Variants in PTK2B observed in about 807,000 individuals in gnomAD.
PTK2B encodes the protein protein tyrosine kinase 2 beta.
A neutral mutation model predicts 142.9 loss-of-function variants in PTK2B; 71 were observed. The ratio of observed to expected loss-of-function variants is 0.50; its 90% CI spans 0.41 to 0.61. PTK2B has a LOEUF of 0.61. Ranked by LOEUF, PTK2B falls within the 20% of genes least tolerant of loss-of-function variation. The probability of loss-of-function intolerance (pLI) is 0.00; values close to 1 mark genes in which losing one functional copy is unlikely to be tolerated. For missense variants in PTK2B, 1,105 were observed against 1,320.4 expected (o/e 0.84, Z 2.53); for synonymous variants, 519 against 503.4 (o/e 1.03, Z -0.42).
At chr8:27,383,851 A>T (rs1465771731) in intron 1 of PTK2B, among the ~76,000 whole-genome samples, 2 of 80,590 alleles carry the variant, frequency 2.5e-5, no homozygotes, top group African/African-American at 3.8e-5. Context: ...ACACCTGGCT[A>T]ATTTTTTTTT....
At position 27,440,228 on chromosome 8, in the gene PTK2B, A is replaced by G. The variant is rs116416838; in HGVS notation, c.1835-9A>G. The G allele has an allele frequency of 2.3e-3, 3,656 of 1,613,902 alleles. 73 individuals are homozygous for G. The African/African-American group carries it at 0.044, about 19-fold the overall frequency. ...CCCACCCAGGGCCTGACGCTCCCTT[A>G]CACCCCAGCCGTGTGCATGTGGGAG... On this transcript the variant is annotated splice_polypyrimidine_tract_variant and intron_variant, in intron 20 of 30. Coordinates refer to ENST00000346049, the MANE Select transcript of PTK2B (RefSeq NM_173176.3).
At chr8:27,346,426 G>A (rs1229332242) in intron 1 of PTK2B, among the ~76,000 whole-genome samples, 2 of 152,168 alleles carry the variant, frequency 1.3e-5, no homozygotes, top group African/African-American at 2.4e-5. Flanking sequence ...CACGCCTGTA[G>A]TCCCAGCTAC....
At chr8:27,359,671 A>T (rs755050221) in intron 1 of PTK2B, among the ~76,000 whole-genome samples, 3 of 152,072 alleles carry the variant, frequency 2.0e-5, no homozygotes, top group Admixed American at 6.5e-5. Context: ...AATTACTTGG[A>T]TTAGAATTCC....
At chr8:27,454,808 C>G (rs1161579599) in intron 30 of PTK2B, among the ~76,000 whole-genome samples, 197 bp downstream of exon 30, 4 of 152,182 alleles carry the variant, frequency 2.6e-5, no homozygotes, top group African/African-American at 9.7e-5. Flanking sequence ...CAGAGGCTAG[C>G]AGGGATTTCC....
At chr8:27,385,761 C>T (rs1464292352) in intron 1 of PTK2B, among the ~76,000 whole-genome samples, 3 of 151,796 alleles carry the variant, frequency 2.0e-5, no homozygotes, top group African/African-American at 4.8e-5. Flanking sequence ...GGTATGGGGG[C>T]GGGCACCTAT....
intron 21 of PTK2B, among the ~76,000 whole-genome samples, chr8:27,442,412 AC>A (rs1811206390): frequency 6.6e-6 from 1 of 152,144 alleles, no homozygotes; most frequent in South Asian, 2.1e-4. Context: ...CTGGGAGTGA[AC>A]CCACATGCCT....
intron 1 of PTK2B, among the ~76,000 whole-genome samples, chr8:27,350,964 A>C (rs1347739889): frequency 1.8e-5 from 2 of 111,676 alleles, no homozygotes; most frequent in Non-Finnish European, 3.5e-5. Context: ...GGACAGAGAA[A>C]GTCTCCGTCT....
chr8:27,450,557 T>C (rs1304615267), intron 24 of PTK2B, among the ~76,000 whole-genome samples, 192 bp from the exon 25 acceptor site: 2 of 152,176 alleles, frequency 1.3e-5, no homozygotes, highest in East Asian at 1.9e-4. Context: ...GCAACGCAGA[T>C]ACATGCTCGG....
At chr8:27,434,625 G>T in intron 13 of PTK2B, 66 bp downstream of exon 13, 1 of 1,519,124 alleles carries the variant, frequency 6.6e-7, no homozygotes, top group East Asian at 2.4e-5. Flanking sequence ...CCCACTGCTT[G>T]CTCTCGTGAC....
At chr8:27,389,407 A>G (rs1270589365) in intron 1 of PTK2B, among the ~76,000 whole-genome samples, 1 of 152,334 alleles carries the variant, frequency 6.6e-6, no homozygotes, top group East Asian at 1.9e-4. Flanking sequence ...TGAAGAACTA[A>G]GAGAAGAATG....
At chr8:27,358,204 A>C in intron 1 of PTK2B, among the ~76,000 whole-genome samples, 1 of 152,206 alleles carries the variant, frequency 6.6e-6, no homozygotes, top group Non-Finnish European at 1.5e-5. Flanking sequence ...CTGTGGATAT[A>C]GCTCTGCACT....
At chr8:27,404,498 T>TC (rs1808584106) in intron 2 of PTK2B, among the ~76,000 whole-genome samples, 1 of 152,110 alleles carries the variant, frequency 6.6e-6, no homozygotes, top group Non-Finnish European at 1.5e-5. Context: ...TCCTGTGCCC[T>TC]CCCCACCCAG....
chr8:27,387,956 C>T (rs1444981865), intron 1 of PTK2B, among the ~76,000 whole-genome samples: 1 of 152,108 alleles, frequency 6.6e-6, no homozygotes, highest in African/African-American at 2.4e-5. Flanking sequence ...AAGCCATAAT[C>T]TCTCCCAATC....
At chr8:27,454,893 C>T (rs747221726) in intron 30 of PTK2B, among the ~76,000 whole-genome samples, 2 of 152,184 alleles carry the variant, frequency 1.3e-5, no homozygotes, top group East Asian at 1.9e-4. Context: ...TCCTTTCCCC[C>T]CTCCTATTAT....
At chr8:27,360,412 C>T (rs1260586510) in intron 1 of PTK2B, among the ~76,000 whole-genome samples, 1 of 152,212 alleles carries the variant, frequency 6.6e-6, no homozygotes, top group Non-Finnish European at 1.5e-5. Flanking sequence ...TCAGAGGAGG[C>T]CTGGCCTGGG....
chr8:27,430,863 T>C lies in PTK2B; in HGVS notation c.670-13T>C. ...GAGCAGGCATTGCTCACACGGCCCA[T>C]CCCCTCCCCCAGCCCAAACAGTTCC... On this transcript the variant is annotated splice_polypyrimidine_tract_variant and intron_variant, in intron 7 of 30. Transcript: ENST00000346049. The C allele has an allele frequency of 6.2e-7, 1 of 1,612,280 alleles. No homozygotes were observed. The highest frequency in any genetic ancestry group is 8.5e-7 in the Non-Finnish European group (1 of 1,178,998).
chr8:27,434,710 C>T lies in PTK2B; in HGVS notation c.1192+151C>T, dbSNP rs563213978. ...CTTCTCAGTGATGGCTTTAAAATAT[C>T]GTGAATTATGGCTGGGTGCAGTGGC... On this transcript the variant is annotated intron_variant, in intron 13 of 30. Coordinates refer to ENST00000346049, the MANE Select transcript of PTK2B (RefSeq NM_173176.3). The T allele has an allele frequency of 3.6e-5, 35 of 964,548 alleles. 1 individual carries two copies. The African/African-American group carries it at 3.8e-4, about 10-fold the overall frequency. 59.7% of individuals were successfully genotyped at this position (964,548 alleles called of 1,614,324 possible).
rs1812328316 is a variant in PTK2B at position 27,458,958 on chromosome 8, G to T, written c.*449G>T. The T allele has an allele frequency of 6.3e-6, 2 of 318,314 alleles. No homozygotes were observed. Among genetic ancestry groups the T allele is most frequent in the South Asian group, 5.3e-5 (1 of 18,972 alleles). The allele number at this position is 318,314 out of a possible 1,614,324, so 19.7% of individuals were successfully genotyped here. ...GCTGGGGAGGAGCTTTGTTTTGGGG[G>T]TCAGGCAGCCAGTGAGATGAGGGAT... is the stretch of plus-strand genomic sequence containing the variant. On this transcript the variant is annotated 3_prime_UTR_variant, in exon 31 of 31. Transcript: ENST00000346049.
intron 30 of PTK2B, among the ~76,000 whole-genome samples, chr8:27,457,688 T>C (rs1057133771): frequency 4.6e-5 from 7 of 152,162 alleles, no homozygotes; most frequent in African/African-American, 1.7e-4. Flanking sequence ...AAGCCTTCAG[T>C]GGATGGCTGG....
Sources: gnomAD v4.1 joint callset for allele counts (sites outside exome capture counted in the v4.1 genomes callset) on GRCh38, gnomAD v4.1.1 for gene constraint, MANE v1.5 for transcripts, NCBI Gene and HGNC (gene_info 2026-07-23, HGNC 2026-07-21) for gene names.